The following CACNA1E variants were observed in gnomAD, a reference collection of about 807,000 sequenced individuals.
CACNA1E encodes calcium voltage-gated channel subunit alpha1 E.
In CACNA1E, 40 loss-of-function variants were observed where a neutral mutation model predicts 259.2. The ratio of observed to expected loss-of-function variants is 0.15; its 90% CI spans 0.12 to 0.20. The LOEUF is 0.20. Among genes scored for constraint, CACNA1E ranks in the 10% least tolerant of loss-of-function variants. CACNA1E has a pLI of 1.00. For missense variants in CACNA1E, 1,874 were observed against 3,040.1 expected, an observed-to-expected ratio of 0.62 and a Z score of 9.02; for synonymous variants, 1,104 against 1,138.5, an observed-to-expected ratio of 0.97 and a Z score of 0.61.
intron 2 of CACNA1E, among the ~76,000 whole-genome samples, chr1:181,450,542 G>A (rs588789): frequency 0.58 from 87,985 of 151,980 alleles, 27,094 homozygotes; most frequent in African/African-American, 0.8. Flanking sequence ...CCAGAGGCCA[G>A]AGATAATTTG....
chr1:181,787,285 A>G (rs1294442715), intron 43 of CACNA1E, among the ~76,000 whole-genome samples: 3 of 151,996 alleles, frequency 2.0e-5, no homozygotes, highest in Non-Finnish European at 4.4e-5. Flanking sequence ...ATGCCCAGCT[A>G]ATTTTTAGTA....
At chr1:181,418,178 T>C (rs187657220) in intron 2 of CACNA1E, among the ~76,000 whole-genome samples, 5 of 152,332 alleles carry the variant, frequency 3.3e-5, no homozygotes, top group Non-Finnish European at 5.9e-5. Context: ...TTTATGTTTT[T>C]TTAGAGACAG....
chr1:181,587,311 C>T (rs1652165954), intron 6 of CACNA1E, among the ~76,000 whole-genome samples: 3 of 152,094 alleles, frequency 2.0e-5, no homozygotes, highest in Non-Finnish European at 2.9e-5. Flanking sequence ...TGCTGGGCAG[C>T]TTTATGGACT....
At chr1:181,506,230 GC>G (rs1665695828) in intron 1 of CACNA1E, among the ~76,000 whole-genome samples, 1 of 152,222 alleles carries the variant, frequency 6.6e-6, no homozygotes, top group African/African-American at 2.4e-5. Flanking sequence ...TGTCCAGTCT[GC>G]CAGGTTGAGG....
rs187489137 is a variant in CACNA1E, at chr1:181,564,454, C to T, written c.513-13312C>T. ...GATTGCAGCAATTCAGTCACATCTT[C>T]AGGATCCATTTCTGATTCTAGTTCT... On this transcript the variant is annotated intron_variant, in intron 3 of 47. Coordinates refer to ENST00000367573, the MANE Select transcript of CACNA1E (RefSeq NM_001205293.3). 2.4e-3 allele frequency among the ~76,000 whole-genome samples: 370 copies of T among 152,318 alleles called. 2 individuals carry two copies. The highest frequency in any genetic ancestry group is 4.1e-3 in the Non-Finnish European group (281 of 68,024).
chr1:181,699,793 G>A (rs1652053327), intron 7 of CACNA1E, among the ~76,000 whole-genome samples: 1 of 152,140 alleles, frequency 6.6e-6, no homozygotes, highest in African/African-American at 2.4e-5. Flanking sequence ...TTGGGCTGAG[G>A]TTGGGATGAG....
chr1:181,638,069 G>A (rs1000970800), intron 6 of CACNA1E, among the ~76,000 whole-genome samples: 44 of 152,180 alleles, frequency 2.9e-4, no homozygotes, highest in African/African-American at 9.7e-4. Flanking sequence ...TTAAGCAGGG[G>A]AGAGACAGGG....
intron 7 of CACNA1E, among the ~76,000 whole-genome samples, chr1:181,698,093 A>C (rs1651886224): frequency 6.6e-6 from 1 of 152,224 alleles, no homozygotes; most frequent in Non-Finnish European, 1.5e-5. Context: ...AGAGTTATTT[A>C]GAATCTATGA....
intron 6 of CACNA1E, among the ~76,000 whole-genome samples, chr1:181,642,218 A>G (rs1558218412): frequency 1.3e-5 from 2 of 152,050 alleles, no homozygotes; most frequent in African/African-American, 4.8e-5. Flanking sequence ...CTGTAAAATG[A>G]GGGGTTTGTG....
chr1:181,459,452 G>A (rs1214316389), intron 2 of CACNA1E, among the ~76,000 whole-genome samples: 1 of 152,226 alleles, frequency 6.6e-6, no homozygotes, highest in African/African-American at 2.4e-5. Flanking sequence ...CTCTGTAGAA[G>A]CTGCCCACGC....
chr1:181,375,596 A>C (rs1212792485), intron 1 of CACNA1E, among the ~76,000 whole-genome samples: 1 of 152,222 alleles, frequency 6.6e-6, no homozygotes, highest in African/African-American at 2.4e-5. Context: ...GCTTATTTTA[A>C]TATTCACAAC....
intron 43 of CACNA1E, among the ~76,000 whole-genome samples, chr1:181,787,152 C>T (rs989873805): frequency 2.0e-5 from 3 of 152,052 alleles, no homozygotes; most frequent in African/African-American, 7.2e-5. Context: ...CGGAGTCTCG[C>T]TCTGTTGCCC....
intron 27 of CACNA1E, 34 bp from the exon 28 acceptor site, chr1:181,755,203 G>C (rs374942532): frequency 1.3e-6 from 2 of 1,596,428 alleles, no homozygotes; most frequent in Admixed American, 3.4e-5. Context: ...CCATCACAGG[G>C]TTCACACAGC....
At chr1:181,475,751 G>A (rs1662801280) in intron 2 of CACNA1E, among the ~76,000 whole-genome samples, 1 of 152,158 alleles carries the variant, frequency 6.6e-6, no homozygotes, top group African/African-American at 2.4e-5. Flanking sequence ...TTGGGAGGGG[G>A]AGCTTGCTTT....
chr1:181,333,652 T>G (rs1279951489), intron 1 of CACNA1E, among the ~76,000 whole-genome samples: 1 of 152,134 alleles, frequency 6.6e-6, no homozygotes, highest in Non-Finnish European at 1.5e-5. Flanking sequence ...TCTTCATTTC[T>G]TTTTCTTTCT....
chr1:181,415,239 A>G (rs1018412346), intron 2 of CACNA1E, among the ~76,000 whole-genome samples: 7 of 152,332 alleles, frequency 4.6e-5, no homozygotes, highest in African/African-American at 9.6e-5. Context: ...ACAATACTCA[A>G]TGAAAAACTA....
intron 3 of CACNA1E, among the ~76,000 whole-genome samples, chr1:181,576,521 A>G (rs1650993879): frequency 6.6e-6 from 1 of 152,256 alleles, no homozygotes. Flanking sequence ...GATTGAAGAC[A>G]CGTCAAATAG....
chr1:181,605,576 A>G (rs1654156699), intron 6 of CACNA1E, among the ~76,000 whole-genome samples: 1 of 152,222 alleles, frequency 6.6e-6, no homozygotes, highest in Non-Finnish European at 1.5e-5. Context: ...TGAAGATTTA[A>G]TCAACACCCA....
chr1:181,424,996 C>T (rs773507421), intron 2 of CACNA1E, among the ~76,000 whole-genome samples: 1 of 152,226 alleles, frequency 6.6e-6, no homozygotes, highest in Non-Finnish European at 1.5e-5. Context: ...TGTCAAGATT[C>T]GGAAATTCTG....
Sources: gnomAD v4.1 joint callset for allele counts (sites outside exome capture counted in the v4.1 genomes callset) on GRCh38, gnomAD v4.1.1 for gene constraint, MANE v1.5 for transcripts, NCBI Gene and HGNC (gene_info 2026-07-23, HGNC 2026-07-21) for gene names.